Variants in SYCP1 observed in about 807,000 individuals in gnomAD.
SYCP1 encodes synaptonemal complex protein 1, also known as cancer/testis antigen 8.
In SYCP1, 64 loss-of-function variants were observed where a neutral mutation model predicts 153.1. The ratio of observed to expected loss-of-function variants is 0.42; its 90% CI spans 0.34 to 0.51. The LOEUF is 0.51. SYCP1 is among the 20% of genes least tolerant of loss of function. The pLI, the probability that SYCP1 is intolerant of heterozygous loss-of-function variation, is 0.06. For synonymous variants in SYCP1, 384 were observed against 341.8 expected, an observed-to-expected ratio of 1.12 and a Z score of -1.36; for missense variants, 997 against 1,049.0, an observed-to-expected ratio of 0.95 and a Z score of 0.68.
intron 30 of SYCP1, among the ~76,000 whole-genome samples, chr1:114,986,451 T>A (rs148556014): frequency 0.01 from 1,576 of 152,136 alleles, 50 homozygotes; most frequent in Admixed American, 0.072. Context: ...GATCTGAGAT[T>A]CAGAATGATT....
In SYCP1 at chr1:114,889,799, T is replaced by A. The variant is rs190742276; in HGVS notation, c.1258+2106T>A. On this transcript the variant is annotated intron_variant, in intron 15 of 31. Coordinates refer to ENST00000369522, the MANE Select transcript of SYCP1 (RefSeq NM_003176.4). ...GCCCATGCCTATGTCCTGAATGGTATTACCTAGGTTTTCTTCCAGGGTTTT... is the reference window on the plus strand; with the variant it reads ...GCCCATGCCTATGTCCTGAATGGTAATACCTAGGTTTTCTTCCAGGGTTTT... Among the ~76,000 whole-genome samples, 6 of 152,288 alleles carry A rather than the reference T, an allele frequency of 3.9e-5. No individual in the cohort carries two copies. The East Asian group carries it at 9.6e-4, about 24-fold the overall frequency.
intron 8 of SYCP1, among the ~76,000 whole-genome samples, chr1:114,869,648 G>T (rs1247348899): frequency 6.6e-6 from 1 of 152,088 alleles, no homozygotes; most frequent in Non-Finnish European, 1.5e-5. Context: ...GATGCTCAAA[G>T]GAAATGCTCA....
At chr1:114,891,435 G>A (rs1666697045) in intron 15 of SYCP1, among the ~76,000 whole-genome samples, 1 of 152,086 alleles carries the variant, frequency 6.6e-6, no homozygotes, top group African/African-American at 2.4e-5. Flanking sequence ...AAATTTAAGA[G>A]GCATCTCATT....
At chr1:114,890,631 T>C (rs2101573680) in intron 15 of SYCP1, among the ~76,000 whole-genome samples, 1 of 152,088 alleles carries the variant, frequency 6.6e-6, no homozygotes, top group South Asian at 2.1e-4. Flanking sequence ...GATGAAGGAG[T>C]GTACAAAACA....
At chr1:114,877,981 T>C in intron 11 of SYCP1, 113 bp from the exon 12 acceptor site, 1 of 628,606 alleles carries the variant, frequency 1.6e-6, no homozygotes, top group Non-Finnish European at 2.7e-6. Flanking sequence ...GAGGGTTAAG[T>C]GGACCAGCTG....
At chr1:114,977,650 C>T in intron 28 of SYCP1, 34 bp downstream of exon 28, 1 of 1,310,298 alleles carries the variant, frequency 7.6e-7, no homozygotes, top group Non-Finnish European at 1.0e-6. Context: ...TTTTAAAATA[C>T]CAATTCATTT....
chr1:114,952,876 G>A (rs572018337), intron 27 of SYCP1, among the ~76,000 whole-genome samples: 2 of 152,146 alleles, frequency 1.3e-5, no homozygotes, highest in African/African-American at 4.8e-5. Flanking sequence ...TATTCCATTT[G>A]TGTTGCTATA....
At chr1:114,924,539 G>A (rs1381308516) in intron 21 of SYCP1, among the ~76,000 whole-genome samples, 2 of 152,140 alleles carry the variant, frequency 1.3e-5, no homozygotes, top group Non-Finnish European at 2.9e-5. Context: ...CACATTCAAT[G>A]TGAAGCCTTA....
At chr1:114,944,503 A>C in intron 24 of SYCP1, 48 bp downstream of exon 24, 2 of 1,087,354 alleles carry the variant, frequency 1.8e-6, no homozygotes, top group South Asian at 1.6e-5. Flanking sequence ...AAAAATCTAT[A>C]TTTTTATTAG....
At chr1:114,945,535 A>T (rs371753042) in intron 25 of SYCP1, among the ~76,000 whole-genome samples, 27 of 151,922 alleles carry the variant, frequency 1.8e-4, no homozygotes, top group African/African-American at 6.3e-4. Context: ...ATACGAGATT[A>T]TTATGAGGGA....
At chr1:114,969,167 A>G (rs777618012) in intron 27 of SYCP1, among the ~76,000 whole-genome samples, 15 of 152,152 alleles carry the variant, frequency 9.9e-5, no homozygotes, top group Non-Finnish European at 2.2e-4. Flanking sequence ...TCAGGGACCC[A>G]CTTGAGGAGG....
chr1:114,868,992 G>A (rs1428410347), intron 8 of SYCP1, among the ~76,000 whole-genome samples: 1 of 151,744 alleles, frequency 6.6e-6, no homozygotes, highest in Non-Finnish European at 1.5e-5. Flanking sequence ...ACCAGCTTTT[G>A]GTTTCATTGA....
At chr1:114,904,180 G>A (rs925308832) in intron 16 of SYCP1, among the ~76,000 whole-genome samples, 6 of 149,756 alleles carry the variant, frequency 4.0e-5, no homozygotes, top group South Asian at 2.1e-4. Context: ...GCAGTGGTGC[G>A]ATCTTGGCTC....
rs1673141541 is a variant in SYCP1 at position 114,981,372 on chromosome 1, T to C, written c.2419T>C (p.Tyr807His). Residue 807 changes from tyrosine (Y) to histidine (H), a missense_variant, in exon 29 of 32, where the codon TAT becomes CAT. This residue lies in a region of SYCP1 where 712 missense variants were observed against 682.9 expected (regional missense o/e 1.04). Transcript: ENST00000369522. ...ATTTTTATTGGAAACACCTGAAATT[T>C]ATTGGAAATTGGATTCTAAAGCAGT... ...QTFLLETPEIYWKLDSKAVPS... is the reference protein window; with the variant it reads ...QTFLLETPEIHWKLDSKAVPS... The C allele has an allele frequency of 6.2e-7, 1 of 1,600,392 alleles. No homozygotes were observed. Among genetic ancestry groups the C allele is most frequent in the African/African-American group, 1.3e-5 (1 of 74,262 alleles).
rs1356757330 is a variant in SYCP1 at position 114,856,680 on chromosome 1, T to C, written c.193+23T>C. On this transcript the variant is annotated intron_variant, in intron 3 of 31. Transcript: ENST00000369522. ...CAGGTAGGAGCATGGAAAAGCAGTG[T>C]ATCAGCTTATATAGAAACATTGTGT... 4.6e-6 allele frequency: 7 copies of C among 1,532,158 alleles called. No individual in the cohort carries two copies. In the African/African-American group the frequency reaches 5.5e-5, roughly 12 times the overall value. 94.9% of individuals were successfully genotyped at this position (1,532,158 alleles called of 1,614,324 possible).
intron 16 of SYCP1, 33 bp downstream of exon 16, chr1:114,895,542 A>G (rs1305629567): frequency 8.5e-6 from 10 of 1,182,596 alleles, no homozygotes; most frequent in African/African-American, 1.6e-5. Flanking sequence ...ATATATAGCA[A>G]TTACTTTTCA....
chr1:114,948,726 A>C (rs1175194658), intron 27 of SYCP1, among the ~76,000 whole-genome samples: 1 of 152,172 alleles, frequency 6.6e-6, no homozygotes, highest in Non-Finnish European at 1.5e-5. Context: ...ATCTGAGTAC[A>C]GGGCTTTGAA....
intron 12 of SYCP1, among the ~76,000 whole-genome samples, chr1:114,881,597 C>T (rs1665946067): frequency 1.3e-5 from 2 of 151,048 alleles, no homozygotes; most frequent in Admixed American, 1.3e-4. Context: ...CACAATCATG[C>T]CCTCAAGTGA....
At position 114,913,087 on chromosome 1, in the gene SYCP1, A is replaced by G. The variant is rs1324455723; in HGVS notation, c.1584A>G (p.Lys528=). 3.7e-6 allele frequency: 6 copies of G among 1,612,612 alleles called. No homozygotes were observed. In the African/African-American group the frequency reaches 5.3e-5, roughly 14 times the overall value. Residue 528 remains lysine (K), a synonymous_variant, in exon 19 of 32, where the codon AAA becomes AAG. Coordinates refer to ENST00000369522, the MANE Select transcript of SYCP1 (RefSeq NM_003176.4). ...SHCNKLSLEN[K]ELTQETSDMT... ...GCAACAAGCTTTCACTAGAAAACAA[A>G]GAGCTCACACAGGAAACAAGTGATA...
Sources: allele counts gnomAD v4.1 joint callset (sites outside exome capture counted in the v4.1 genomes callset), GRCh38; gene constraint gnomAD v4.1.1; regional missense constraint gnomAD v4.1.1; transcripts MANE v1.5; gene names NCBI Gene and HGNC (gene_info 2026-07-23, HGNC 2026-07-21).